The following KCNIP4 variants were observed in gnomAD, a reference collection of about 807,000 sequenced individuals.
The protein encoded by KCNIP4 is Kv channel-interacting protein 4.
KCNIP4 carries 12 observed loss-of-function variants against 34.0 expected under a neutral mutation model. The observed-to-expected ratio is 0.35, with a 90% CI of 0.23 to 0.57. KCNIP4 has a LOEUF of 0.57. Ranked by LOEUF, KCNIP4 falls within the 20% of genes least tolerant of loss-of-function variation. The probability of loss-of-function intolerance (pLI) is 0.83; values close to 1 mark genes in which losing one functional copy is unlikely to be tolerated. For missense variants in KCNIP4, 238 were observed against 311.7 expected, an observed-to-expected ratio of 0.76 and a Z score of 1.78; for synonymous variants, 124 against 102.2, an observed-to-expected ratio of 1.21 and a Z score of -1.29.
At chr4:21,040,688 G>A (rs1245520262) in intron 1 of KCNIP4, among the ~76,000 whole-genome samples, 2 of 152,000 alleles carry the variant, frequency 1.3e-5, no homozygotes, top group African/African-American at 4.8e-5. Flanking sequence ...AAACCTATAT[G>A]ATCTGTACTT....
chr4:21,447,839 T>C (rs1248954452), intron 1 of KCNIP4, among the ~76,000 whole-genome samples: 1 of 152,126 alleles, frequency 6.6e-6, no homozygotes, highest in Non-Finnish European at 1.5e-5. Context: ...CTATACAGCA[T>C]GGATACCTTT....
chr4:21,303,544 C>T (rs999250690), intron 1 of KCNIP4, among the ~76,000 whole-genome samples: 1 of 152,138 alleles, frequency 6.6e-6, no homozygotes, highest in African/African-American at 2.4e-5. Flanking sequence ...CCATTACAAA[C>T]CCTTAATTAC....
intron 3 of KCNIP4, among the ~76,000 whole-genome samples, chr4:20,810,513 C>T (rs1359492081): frequency 1.3e-5 from 2 of 152,014 alleles, no homozygotes; most frequent in South Asian, 2.1e-4. Flanking sequence ...AAAGCTATGT[C>T]TGTATGAAAA....
intron 1 of KCNIP4, among the ~76,000 whole-genome samples, chr4:21,001,902 A>G (rs1272632946): frequency 3.9e-5 from 6 of 152,166 alleles, no homozygotes; most frequent in African/African-American, 1.2e-4. Flanking sequence ...CTCACCACAA[A>G]GTAGAAGGCA....
chr4:20,831,465 A>G (rs1560498305), intron 3 of KCNIP4, among the ~76,000 whole-genome samples: 2 of 152,176 alleles, frequency 1.3e-5, no homozygotes, highest in Non-Finnish European at 2.9e-5. Context: ...AAGAGGGCTC[A>G]TGGGTACAAA....
rs554345471 is a variant in KCNIP4, at chr4:21,374,774, G to A, written c.62-492065C>T. Among the ~76,000 whole-genome samples the A allele has an allele frequency of 6.1e-5, 9 of 146,992 alleles. No homozygotes were observed. In the South Asian group the frequency reaches 1.9e-3, roughly 31 times the overall value. On this transcript the variant is annotated intron_variant, in intron 1 of 8. Coordinates refer to ENST00000382152, the MANE Select transcript of KCNIP4 (RefSeq NM_025221.6). ...TTCCCCATGAACTACACTGGTATTAGGGAGACATTAGATACTCCCAGATAT... is the reference window on the plus strand; with the variant it reads ...TTCCCCATGAACTACACTGGTATTAAGGAGACATTAGATACTCCCAGATAT...
At position 21,065,764 on chromosome 4, in the gene KCNIP4, AT is replaced by A. The variant is rs367725330; in HGVS notation, c.62-183056del. On this transcript the variant is annotated intron_variant, in intron 1 of 8. Transcript: ENST00000382152. ...TATATATATATATATATATATATAT[AT>A]AACTCAATTTTATTTTAAAAAATAG... Among the ~76,000 whole-genome samples the A allele has an allele frequency of 1.6e-3, 191 of 117,622 alleles. 3 individuals are homozygous for A. Among genetic ancestry groups the A allele is most frequent in the African/African-American group, 4.3e-3 (141 of 32,632 alleles). The allele number at this position is 117,622 out of a possible 152,430, so 77.2% of individuals were successfully genotyped here. A position where few individuals can be genotyped will look rare whatever the true frequency, so the allele number is the denominator to read the frequency against.
intron 2 of KCNIP4, among the ~76,000 whole-genome samples, chr4:20,875,645 A>G (rs1243684337): frequency 2.0e-5 from 3 of 152,178 alleles, no homozygotes; most frequent in Non-Finnish European, 4.4e-5. Context: ...TTTCCTGACT[A>G]CATGCCTAGG....
intron 1 of KCNIP4, among the ~76,000 whole-genome samples, chr4:21,157,502 A>G (rs1753229157): frequency 6.6e-6 from 1 of 152,206 alleles, no homozygotes; most frequent in African/African-American, 2.4e-5. Context: ...TTTAGGAAAC[A>G]CTGGCCATTA....
intron 1 of KCNIP4, among the ~76,000 whole-genome samples, chr4:21,830,964 T>A (rs1352186869): frequency 2.0e-5 from 3 of 152,208 alleles, no homozygotes; most frequent in Non-Finnish European, 2.9e-5. Context: ...GTTCTTTTCC[T>A]GACCACAGTG....
At chr4:21,636,190 G>C (rs932798028) in intron 1 of KCNIP4, among the ~76,000 whole-genome samples, 1 of 150,938 alleles carries the variant, frequency 6.6e-6, no homozygotes, top group Non-Finnish European at 1.5e-5. Context: ...CCTAACGCTA[G>C]ATGACGAGTT....
chr4:21,486,561 T>C (rs1731930270), intron 1 of KCNIP4, among the ~76,000 whole-genome samples: 2 of 152,170 alleles, frequency 1.3e-5, no homozygotes, highest in African/African-American at 4.8e-5. Flanking sequence ...TAACCCTCCA[T>C]AATTTATTGA....
intron 1 of KCNIP4, among the ~76,000 whole-genome samples, chr4:21,009,556 C>A (rs1738886621): frequency 6.6e-6 from 1 of 152,160 alleles, no homozygotes; most frequent in Non-Finnish European, 1.5e-5. Context: ...CTCATGATTT[C>A]CTTGATGGGA....
chr4:21,020,338 A>T (rs1475581060), intron 1 of KCNIP4, among the ~76,000 whole-genome samples: 3 of 152,102 alleles, frequency 2.0e-5, no homozygotes, highest in Admixed American at 1.3e-4. Flanking sequence ...TCCTCCTACA[A>T]TCATCTAAGG....
chr4:21,517,241 G>A (rs1293469942), intron 1 of KCNIP4, among the ~76,000 whole-genome samples: 1 of 152,068 alleles, frequency 6.6e-6, no homozygotes, highest in East Asian at 1.9e-4. Context: ...AAACAACCAC[G>A]TCAGAGTGGG....
At chr4:21,319,513 G>T (rs746377945) in intron 1 of KCNIP4, among the ~76,000 whole-genome samples, 21 of 152,296 alleles carry the variant, frequency 1.4e-4, no homozygotes, top group South Asian at 1.0e-3. Context: ...TCTGGAGGCT[G>T]CCTTCTCCTG....
At chr4:21,412,346 C>T (rs1724581439) in intron 1 of KCNIP4, among the ~76,000 whole-genome samples, 1 of 152,158 alleles carries the variant, frequency 6.6e-6, no homozygotes, top group South Asian at 2.1e-4. Flanking sequence ...ATTCCCTTTC[C>T]AAGCTTTCTC....
At chr4:21,038,060 C>T (rs147946768) in intron 1 of KCNIP4, among the ~76,000 whole-genome samples, 40 of 152,290 alleles carry the variant, frequency 2.6e-4, no homozygotes, top group African/African-American at 9.4e-4. Context: ...TCACTGCAAC[C>T]TCTACCTCCC....
At chr4:21,413,560 C>A (rs1274686068) in intron 1 of KCNIP4, among the ~76,000 whole-genome samples, 1 of 152,202 alleles carries the variant, frequency 6.6e-6, no homozygotes, top group Admixed American at 6.5e-5. Flanking sequence ...GCTCATACAG[C>A]ACTCATCCCA....
Sources: allele counts gnomAD v4.1 joint callset (sites outside exome capture counted in the v4.1 genomes callset), GRCh38; gene constraint gnomAD v4.1.1; transcripts MANE v1.5; gene names NCBI Gene and HGNC (gene_info 2026-07-23, HGNC 2026-07-21).